Variants in TTC7B observed in about 807,000 individuals in gnomAD.
The protein encoded by TTC7B is tetratricopeptide repeat protein 7B.
A neutral mutation model predicts 106.8 loss-of-function variants in TTC7B; 28 were observed. The ratio of observed to expected loss-of-function variants is 0.26; its 90% CI spans 0.19 to 0.36. TTC7B has a LOEUF of 0.36. Among genes scored for constraint, TTC7B ranks in the 10% least tolerant of loss-of-function variants. The pLI is 1.00. For synonymous variants in TTC7B, 405 were observed against 430.6 expected, an observed-to-expected ratio of 0.94 and a Z score of 0.74; for missense variants, 862 against 1,076.4, an observed-to-expected ratio of 0.80 and a Z score of 2.79.
chr14:90,778,700 C>CAA (rs1468031972), intron 3 of TTC7B, among the ~76,000 whole-genome samples: 7 of 152,346 alleles, frequency 4.6e-5, no homozygotes, highest in African/African-American at 1.4e-4. Flanking sequence ...GTAGCTCAGA[C>CAA]AGATGCAAAC....
At chr14:90,806,566 G>A (rs751081125) in intron 1 of TTC7B, among the ~76,000 whole-genome samples, 9 of 152,126 alleles carry the variant, frequency 5.9e-5, no homozygotes, top group Admixed American at 3.9e-4. Context: ...TGCTGGTGCC[G>A]GAAACTGCAC....
At chr14:90,708,878 T>C (rs1056645156) in intron 5 of TTC7B, among the ~76,000 whole-genome samples, 1 of 151,720 alleles carries the variant, frequency 6.6e-6, no homozygotes, top group African/African-American at 2.4e-5. Flanking sequence ...GGGTGAAGGA[T>C]ATGAACAGAC....
At chr14:90,580,058 G>A (rs1246391822) in intron 18 of TTC7B, among the ~76,000 whole-genome samples, 3 of 152,136 alleles carry the variant, frequency 2.0e-5, no homozygotes, top group African/African-American at 4.8e-5. Context: ...TGTGGCTTCC[G>A]CGCCTGCCCA....
intron 19 of TTC7B, among the ~76,000 whole-genome samples, chr14:90,565,227 A>G (rs1182146086): frequency 1.3e-5 from 2 of 152,308 alleles, no homozygotes; most frequent in East Asian, 3.9e-4. Flanking sequence ...CCTATCAGCA[A>G]TAAGGCTGTT....
chr14:90,668,435 A>T (rs982008758), intron 9 of TTC7B, among the ~76,000 whole-genome samples: 2 of 152,064 alleles, frequency 1.3e-5, no homozygotes, highest in African/African-American at 4.8e-5. Context: ...CCAGGGCTGA[A>T]TTTTTTTTAC....
chr14:90,729,944 G>GA (rs5810520), intron 5 of TTC7B, 131 bp downstream of exon 5: 644,452 of 841,776 alleles, frequency 0.77, 238,169 homozygotes, highest in Admixed American at 0.82. Flanking sequence ...TTCTTTAAAA[G>GA]AAAAAAAAAG....
chr14:90,616,479 G>C (rs1382414825), intron 16 of TTC7B, among the ~76,000 whole-genome samples: 1 of 144,684 alleles, frequency 6.9e-6, no homozygotes, highest in African/African-American at 2.6e-5. Flanking sequence ...CCGCGCCGCT[G>C]TTCCTGTGCT....
chr14:90,568,306 A>G (rs1354819043), intron 19 of TTC7B, among the ~76,000 whole-genome samples: 1 of 152,234 alleles, frequency 6.6e-6, no homozygotes, highest in African/African-American at 2.4e-5. Flanking sequence ...GCTAGGGAGC[A>G]AAGCAGGAAG....
chr14:90,715,175 C>T (rs1157264341), intron 5 of TTC7B, among the ~76,000 whole-genome samples: 1 of 152,220 alleles, frequency 6.6e-6, no homozygotes, highest in Non-Finnish European at 1.5e-5. Context: ...ATCCGATGCC[C>T]TGTTGCACAC....
intron 9 of TTC7B, among the ~76,000 whole-genome samples, chr14:90,667,069 C>T (rs1477099036): frequency 1.3e-5 from 2 of 152,236 alleles, no homozygotes; most frequent in Non-Finnish European, 2.9e-5. Flanking sequence ...ACCTTTTGGT[C>T]TTTTCAGTCT....
chr14:90,677,792 T>C, intron 8 of TTC7B: 1 of 454,236 alleles, frequency 2.2e-6, no homozygotes, highest in Non-Finnish European at 4.4e-6. Context: ...TCCAAGGCAT[T>C]TACTTTTAGC....
At chr14:90,554,895 A>G (rs1890237665) in intron 19 of TTC7B, among the ~76,000 whole-genome samples, 1 of 152,174 alleles carries the variant, frequency 6.6e-6, no homozygotes, top group African/African-American at 2.4e-5. Context: ...CAGAGGTCTC[A>G]TTCTTCCTGG....
At chr14:90,621,649 C>T (rs1287414070) in intron 15 of TTC7B, among the ~76,000 whole-genome samples, 1 of 152,212 alleles carries the variant, frequency 6.6e-6, no homozygotes, top group East Asian at 1.9e-4. Flanking sequence ...CAATTGTAGG[C>T]AGTACAATGG....
chr14:90,607,262 G>A (rs1020235338), intron 17 of TTC7B, among the ~76,000 whole-genome samples: 1 of 152,250 alleles, frequency 6.6e-6, no homozygotes, highest in African/African-American at 2.4e-5. Flanking sequence ...TGCACAGCGG[G>A]TGATCCTGGG....
intron 9 of TTC7B, among the ~76,000 whole-genome samples, chr14:90,661,665 A>G (rs1210266548): frequency 1.3e-5 from 2 of 152,220 alleles, no homozygotes; most frequent in African/African-American, 4.8e-5. Flanking sequence ...GCCCTACTCA[A>G]CCAATACATT....
intron 19 of TTC7B, among the ~76,000 whole-genome samples, chr14:90,566,258 C>T (rs890221767): frequency 4.6e-5 from 7 of 151,784 alleles, no homozygotes; most frequent in African/African-American, 1.2e-4. Flanking sequence ...GCAGGAGAAT[C>T]GCTTGAACCT....
At chr14:90,735,239 C>T (rs539486974) in intron 4 of TTC7B, among the ~76,000 whole-genome samples, 1 of 152,334 alleles carries the variant, frequency 6.6e-6, no homozygotes, top group East Asian at 1.9e-4. Flanking sequence ...GGCACGGTGG[C>T]TCACGCCTGT....
At position 90,525,604 on chromosome 14, in the gene TTC7B, C is replaced by G. The variant is rs996512629; in HGVS notation, c.*15764G>C. 6.6e-6 allele frequency: 1 copy of G among 150,868 alleles called. No individual in the cohort carries two copies. The highest frequency in any genetic ancestry group is 2.4e-5 in the African/African-American group (1 of 41,070). 9.3% of individuals were successfully genotyped at this position (150,868 alleles called of 1,614,324 possible). Reference sequence around the variant, plus strand: ...TCTGTGCAGACGCTGCTAGTGGTTCCGCAGTCGTCGCTGGGTCAGCTGTTT... The same window carrying G: ...TCTGTGCAGACGCTGCTAGTGGTTCGGCAGTCGTCGCTGGGTCAGCTGTTT... On this transcript the variant is annotated 3_prime_UTR_variant, in exon 20 of 20. Coordinates refer to ENST00000328459, the MANE Select transcript of TTC7B (RefSeq NM_001010854.2).
At position 90,600,293 on chromosome 14, in the gene TTC7B, G is replaced by C. The variant is rs963546948; in HGVS notation, c.1967-6667C>G. Among the ~76,000 whole-genome samples, 1 of 152,200 alleles carries C rather than the reference G, an allele frequency of 6.6e-6. No homozygotes were observed. The highest frequency in any genetic ancestry group is 1.5e-5 in the Non-Finnish European group (1 of 68,030). ...CTGCTTTCTGAGGAGGCGACTCCAG[G>C]TGGTGGCTCCTTGCACCGCGCTGTC... On this transcript the variant is annotated intron_variant, in intron 17 of 19. Transcript: ENST00000328459. This position sits in a 1 kb window ranked among gnomAD's most constrained non-coding sequence, Gnocchi z 4.3.
Sources: gnomAD v4.1 joint callset for allele counts (sites outside exome capture counted in the v4.1 genomes callset) on GRCh38, gnomAD v4.1.1 for gene constraint, Gnocchi (gnomAD v3.1) non-coding constraint, MANE v1.5 for transcripts, NCBI Gene and HGNC (gene_info 2026-07-23, HGNC 2026-07-21) for gene names.